ROBO2: variants seen among roughly 807,000 people sequenced by gnomAD.
ROBO2 encodes the protein roundabout guidance receptor 2.
A neutral mutation model predicts 160.8 loss-of-function variants in ROBO2; 53 were observed. The observed-to-expected ratio is 0.33, with a 90% CI of 0.26 to 0.41. The LOEUF (loss-of-function observed/expected upper bound fraction) is 0.41, where lower values mean the gene tolerates loss of function less well. Among genes scored for constraint, ROBO2 ranks in the 10% least tolerant of loss-of-function variants. The pLI is 1.00. For synonymous variants in ROBO2, 664 were observed against 611.7 expected, an observed-to-expected ratio of 1.09 and a Z score of -1.26; for missense variants, 1,577 against 1,722.4, an observed-to-expected ratio of 0.92 and a Z score of 1.49.
At chr3:77,147,994 AACTTTG>A (rs2077248656) in intron 2 of ROBO2, among the ~76,000 whole-genome samples, 1 of 152,224 alleles carries the variant, frequency 6.6e-6, no homozygotes, top group Non-Finnish European at 1.5e-5. Flanking sequence ...AGCAGCCTTG[AACTTTG>A]CACACAGAGA....
At chr3:76,670,758 A>G (rs1260358815) in intron 2 of ROBO2, among the ~76,000 whole-genome samples, 1 of 151,752 alleles carries the variant, frequency 6.6e-6, no homozygotes, top group Non-Finnish European at 1.5e-5. Context: ...TATATTAATT[A>G]TAAATTAATT....
intron 2 of ROBO2, among the ~76,000 whole-genome samples, chr3:76,554,577 C>T (rs534914794): frequency 6.6e-6 from 1 of 152,070 alleles, no homozygotes; most frequent in African/African-American, 2.4e-5. Flanking sequence ...GGCAAACAGC[C>T]CTGTGTAAAC....
At chr3:76,770,562 C>A (rs1241601827) in intron 2 of ROBO2, among the ~76,000 whole-genome samples, 1 of 151,184 alleles carries the variant, frequency 6.6e-6, no homozygotes, top group Non-Finnish European at 1.5e-5. Context: ...CCCCACATCC[C>A]TGTTTCTCAT....
intron 2 of ROBO2, among the ~76,000 whole-genome samples, chr3:76,266,488 G>C (rs764465610): frequency 5.9e-5 from 9 of 152,054 alleles, no homozygotes; most frequent in Non-Finnish European, 1.2e-4. Flanking sequence ...TTCTAAATCA[G>C]AGAAGTTTTG....
At chr3:77,073,556 C>T (rs2067631973) in intron 1 of ROBO2, among the ~76,000 whole-genome samples, 1 of 152,130 alleles carries the variant, frequency 6.6e-6, no homozygotes. Context: ...CACCCAGTGC[C>T]AATTTGCAGT....
At chr3:76,690,859 T>C (rs1286700390) in intron 2 of ROBO2, among the ~76,000 whole-genome samples, 1 of 152,058 alleles carries the variant, frequency 6.6e-6, no homozygotes, top group African/African-American at 2.4e-5. Context: ...CAGGTAGGCA[T>C]GTGCTATGCA....
intron 2 of ROBO2, among the ~76,000 whole-genome samples, chr3:76,799,544 A>G (rs149713936): frequency 1.4e-3 from 207 of 152,156 alleles, no homozygotes; most frequent in African/African-American, 4.7e-3. Context: ...TACAAAATTA[A>G]CATACAAAAA....
intron 2 of ROBO2, among the ~76,000 whole-genome samples, chr3:76,470,549 A>T (rs1351919947): frequency 6.6e-6 from 1 of 152,124 alleles, no homozygotes; most frequent in African/African-American, 2.4e-5. Context: ...CGGGCTTCTC[A>T]TACCAGAGCT....
chr3:76,739,928 T>TA (rs1005307628), intron 2 of ROBO2, among the ~76,000 whole-genome samples: 8 of 152,344 alleles, frequency 5.3e-5, no homozygotes, highest in African/African-American at 1.9e-4. Flanking sequence ...AGTTTTTTTC[T>TA]AAAAAAGTTA....
At position 77,493,473 on chromosome 3, in the gene ROBO2, C is replaced by T. The variant is rs2086395296; in HGVS notation, c.806+91C>T. 4 of 1,380,756 alleles carry T rather than the reference C, an allele frequency of 2.9e-6. No homozygotes were observed. In the African/African-American group the frequency reaches 5.7e-5, roughly 20 times the overall value. 85.5% of individuals were successfully genotyped at this position (1,380,756 alleles called of 1,614,324 possible). A position where few individuals can be genotyped will look rare whatever the true frequency, so the allele number is the denominator to read the frequency against. ...GCTACAATGCCACCACCAAACACTC[C>T]TATGTCTTGGGGTACTTTCACTCAT... On this transcript the variant is annotated intron_variant, in intron 5 of 25. Transcript: ENST00000461745.
At chr3:77,519,990 G>A (rs1378088905) in intron 5 of ROBO2, among the ~76,000 whole-genome samples, 1 of 151,318 alleles carries the variant, frequency 6.6e-6, no homozygotes, top group African/African-American at 2.4e-5. Flanking sequence ...GTGTGAGATG[G>A]TATCTCATTG....
chr3:77,028,441 C>T (rs955645493), intron 2 of ROBO2, among the ~76,000 whole-genome samples: 1 of 152,164 alleles, frequency 6.6e-6, no homozygotes, highest in African/African-American at 2.4e-5. Context: ...CTAGGCTGGG[C>T]ATAGTGGCTC....
chr3:77,196,620 A>G (rs2082334280), intron 2 of ROBO2, among the ~76,000 whole-genome samples: 2 of 152,128 alleles, frequency 1.3e-5, no homozygotes. Context: ...TGGCAGTTCA[A>G]GGGCATATGT....
intron 2 of ROBO2, among the ~76,000 whole-genome samples, chr3:76,378,428 G>T (rs1559848761): frequency 6.6e-6 from 1 of 152,134 alleles, no homozygotes; most frequent in South Asian, 2.1e-4. Context: ...TTTAGTAAAA[G>T]TTCAAGTATC....
chr3:76,836,243 G>A (rs2109422198), intron 2 of ROBO2, among the ~76,000 whole-genome samples: 1 of 151,824 alleles, frequency 6.6e-6, no homozygotes, highest in East Asian at 1.9e-4. Context: ...CTTAATGTAG[G>A]ACGTTCCTAT....
chr3:76,470,688 G>A (rs2078609995), intron 2 of ROBO2, among the ~76,000 whole-genome samples: 1 of 152,076 alleles, frequency 6.6e-6, no homozygotes, highest in Admixed American at 6.6e-5. Context: ...TTGGTTAAAA[G>A]TGAACCACTG....
intron 1 of ROBO2, among the ~76,000 whole-genome samples, chr3:77,084,527 A>T (rs1355399438): frequency 6.6e-6 from 1 of 152,102 alleles, no homozygotes; most frequent in Non-Finnish European, 1.5e-5. Flanking sequence ...TTTTAGCATA[A>T]TCCAGAATAA....
intron 2 of ROBO2, among the ~76,000 whole-genome samples, chr3:76,534,938 G>A (rs73119851): frequency 0.046 from 6,922 of 152,086 alleles, 186 homozygotes; most frequent in African/African-American, 0.072. Flanking sequence ...ATTGAGTAAG[G>A]TGGGAGGCAG....
chr3:76,950,027 C>G (rs910985615), intron 2 of ROBO2, among the ~76,000 whole-genome samples: 4 of 152,182 alleles, frequency 2.6e-5, no homozygotes, highest in Admixed American at 6.5e-5. Flanking sequence ...CATGCATTCT[C>G]AGCATTTCTC....
Sources: allele counts gnomAD v4.1 joint callset (sites outside exome capture counted in the v4.1 genomes callset), GRCh38; gene constraint gnomAD v4.1.1; transcripts MANE v1.5; gene names NCBI Gene and HGNC (gene_info 2026-07-23, HGNC 2026-07-21).